GRM1: variants seen among roughly 807,000 people sequenced by gnomAD.
GRM1 encodes the protein glutamate metabotropic receptor 1, also known as metabotropic glutamate receptor 1.
GRM1 carries 33 observed loss-of-function variants against 90.9 expected under a neutral mutation model. The ratio of observed to expected loss-of-function variants is 0.36; its 90% confidence interval spans 0.28 to 0.49. GRM1 has a LOEUF of 0.49. GRM1 is among the 20% of genes least tolerant of loss of function. GRM1 has a pLI of 0.99. For synonymous variants in GRM1, 700 were observed against 613.2 expected (o/e 1.14, Z -2.09); for missense variants, 1,190 against 1,534.3 (o/e 0.78, Z 3.75).
intron 3 of GRM1, among the ~76,000 whole-genome samples, chr6:146,306,211 C>T (rs1783572386): frequency 6.6e-6 from 1 of 152,086 alleles, no homozygotes; most frequent in Admixed American, 6.6e-5. Flanking sequence ...AAACAATAAC[C>T]CACCTCTGCC....
At chr6:146,182,422 C>G (rs1778582561) in intron 2 of GRM1, among the ~76,000 whole-genome samples, 1 of 152,058 alleles carries the variant, frequency 6.6e-6, no homozygotes, top group East Asian at 1.9e-4. Context: ...CCTCAGTTCC[C>G]CCCAAGTCAG....
intron 5 of GRM1, among the ~76,000 whole-genome samples, chr6:146,367,065 A>G (rs964074606): frequency 2.0e-5 from 3 of 152,024 alleles, no homozygotes; most frequent in African/African-American, 7.2e-5. Context: ...TCCATTTTGA[A>G]TTTACTTTTG....
At chr6:146,406,762 A>G (rs1777362773) in intron 7 of GRM1, among the ~76,000 whole-genome samples, 1 of 152,120 alleles carries the variant, frequency 6.6e-6, no homozygotes, top group Admixed American at 6.6e-5. Context: ...TGAACCTAGG[A>G]GGCGAAGGTT....
chr6:146,366,918 G>C (rs1169926318), intron 5 of GRM1, among the ~76,000 whole-genome samples: 2 of 151,998 alleles, frequency 1.3e-5, no homozygotes, highest in Non-Finnish European at 2.9e-5. Flanking sequence ...AATCTCATTT[G>C]TCTATTTTTG....
chr6:146,343,657 AT>A (rs992020962), intron 3 of GRM1, among the ~76,000 whole-genome samples: 8 of 122,746 alleles, frequency 6.5e-5, no homozygotes, highest in African/African-American at 5.0e-5. Flanking sequence ...TGTTGTTTTT[AT>A]TTATTATTAT....
chr6:146,375,998 C>T (rs1776084962), intron 5 of GRM1, among the ~76,000 whole-genome samples: 1 of 151,970 alleles, frequency 6.6e-6, no homozygotes, highest in Non-Finnish European at 1.5e-5. Context: ...TCTCTGGTGG[C>T]ATGAATTAAT....
chr6:146,297,684 AT>A (rs1783228244), intron 2 of GRM1, among the ~76,000 whole-genome samples: 1 of 152,170 alleles, frequency 6.6e-6, no homozygotes, highest in Admixed American at 6.5e-5. Context: ...AAACCATTGG[AT>A]TCACGTTTGA....
intron 1 of GRM1, among the ~76,000 whole-genome samples, chr6:146,152,613 G>A (rs773860726): frequency 8.5e-5 from 13 of 152,150 alleles, no homozygotes; most frequent in Admixed American, 1.3e-4. Context: ...ACTTGTAAAA[G>A]AGGGGTTATA....
At chr6:146,190,663 G>A (rs146192736) in intron 2 of GRM1, among the ~76,000 whole-genome samples, 396 of 152,250 alleles carry the variant, frequency 2.6e-3, no homozygotes, top group African/African-American at 8.8e-3. Context: ...ACAATTTTTG[G>A]TCACCATGTT....
chr6:146,062,489 T>A (rs1469689914), intron 1 of GRM1, among the ~76,000 whole-genome samples: 1 of 103,290 alleles, frequency 9.7e-6, no homozygotes, highest in African/African-American at 4.7e-5. Flanking sequence ...ACTTAAAGTA[T>A]AACAATAAAA....
At chr6:146,038,695 C>G (rs1043615505) in intron 1 of GRM1, among the ~76,000 whole-genome samples, 1 of 151,794 alleles carries the variant, frequency 6.6e-6, no homozygotes. Flanking sequence ...GCCCTCAATG[C>G]AAATCTTTTG....
chr6:146,055,279 T>G (rs1021378391), intron 1 of GRM1, among the ~76,000 whole-genome samples: 8 of 152,146 alleles, frequency 5.3e-5, no homozygotes, highest in Non-Finnish European at 1.2e-4. Context: ...TGGATACAAC[T>G]GGCACATAAG....
chr6:146,305,977 T>C (rs951264281), intron 3 of GRM1, among the ~76,000 whole-genome samples: 8 of 152,194 alleles, frequency 5.3e-5, no homozygotes, highest in Non-Finnish European at 8.8e-5. Context: ...ATAAAATATT[T>C]CTATTTTCAA....
chr6:146,231,888 C>A (rs1167490951), intron 2 of GRM1, among the ~76,000 whole-genome samples: 7 of 151,810 alleles, frequency 4.6e-5, no homozygotes, highest in Admixed American at 2.6e-4. Context: ...TCTTGTAATA[C>A]CTTTGTCTAT....
At chr6:146,292,568 A>G (rs1481594920) in intron 2 of GRM1, among the ~76,000 whole-genome samples, 4 of 152,000 alleles carry the variant, frequency 2.6e-5, no homozygotes, top group Non-Finnish European at 5.9e-5. Context: ...TCACAATGAG[A>G]TACTATTTCA....
intron 1 of GRM1, among the ~76,000 whole-genome samples, chr6:146,070,018 T>A (rs1775973455): frequency 6.6e-6 from 1 of 152,120 alleles, no homozygotes; most frequent in Non-Finnish European, 1.5e-5. Flanking sequence ...CCCAAAAGTC[T>A]AATAAAAATG....
intron 1 of GRM1, among the ~76,000 whole-genome samples, chr6:146,111,886 C>A (rs1001832413): frequency 6.6e-6 from 1 of 152,182 alleles, no homozygotes; most frequent in Non-Finnish European, 1.5e-5. Context: ...AACACTTTAA[C>A]TGTTTAACAT....
chr6:146,134,206 C>T (rs1776519137), intron 1 of GRM1, among the ~76,000 whole-genome samples: 1 of 152,216 alleles, frequency 6.6e-6, no homozygotes, highest in African/African-American at 2.4e-5. Flanking sequence ...TCTCCTCTCT[C>T]CCATTTACTA....
In GRM1 at chr6:146,130,600, A is replaced by T. The variant is rs1030251305; in HGVS notation, c.701-28748A>T. Among the ~76,000 whole-genome samples, 4 of 152,082 alleles carry T rather than the reference A, an allele frequency of 2.6e-5. 1 individual carries two copies. Among genetic ancestry groups the T allele is most frequent in the Admixed American group, 2.6e-4 (4 of 15,272 alleles). On this transcript the variant is annotated intron_variant, in intron 1 of 7. Transcript: ENST00000282753. ...GTGAACTCACCGTTTACTATATTTT[A>T]TTAATAATAAATTTATTCAGTATTT... is the stretch of plus-strand genomic sequence containing the variant.
Sources: gnomAD v4.1 joint callset for allele counts (sites outside exome capture counted in the v4.1 genomes callset) on GRCh38, gnomAD v4.1.1 for gene constraint, MANE v1.5 for transcripts, NCBI Gene and HGNC (gene_info 2026-07-23, HGNC 2026-07-21) for gene names.